Variants in SNX2 observed in about 807,000 individuals in gnomAD.
SNX2 encodes sorting nexin-2.
In SNX2, 25 loss-of-function variants were observed where a neutral mutation model predicts 69.9. The observed-to-expected ratio is 0.36, with a 90% CI of 0.26 to 0.50. The LOEUF (loss-of-function observed/expected upper bound fraction) is 0.50. Among genes scored for constraint, SNX2 ranks in the 20% least tolerant of loss-of-function variants. The probability of loss-of-function intolerance (pLI) is 0.97; values close to 1 mark genes in which losing one functional copy is unlikely to be tolerated. For synonymous variants in SNX2, 229 were observed against 200.4 expected (o/e 1.14, Z -1.20); for missense variants, 551 against 613.3 (o/e 0.90, Z 1.07).
intron 1 of SNX2, among the ~76,000 whole-genome samples, chr5:122,789,687 A>AT (rs1424400815): frequency 6.6e-6 from 1 of 152,180 alleles, no homozygotes; most frequent in Non-Finnish European, 1.5e-5. Context: ...CCTTTGTCTG[A>AT]TTCATCTGGC....
At chr5:122,806,140 G>GCACACACACACACACACA (rs1296313992) in intron 6 of SNX2, among the ~76,000 whole-genome samples, 19 of 30,206 alleles carry the variant, frequency 6.3e-4, no homozygotes, top group African/African-American at 1.8e-3. Context: ...ACACACGCGC[G>GCACACACACACACACACA]CGCACACACA....
At chr5:122,822,095 TTTTC>T (rs1478805765) in intron 11 of SNX2, among the ~76,000 whole-genome samples, 2 of 152,150 alleles carry the variant, frequency 1.3e-5, no homozygotes, top group Non-Finnish European at 2.9e-5. Flanking sequence ...TTGCATTTCT[TTTTC>T]TTTCTTTTTT....
intron 5 of SNX2, 29 bp downstream of exon 5, chr5:122,802,153 A>T: frequency 6.3e-7 from 1 of 1,592,478 alleles, no homozygotes; most frequent in South Asian, 1.1e-5. Context: ...TAAAAAAACT[A>T]TCGAGCCCTC....
chr5:122,804,187 G>A (rs1383494558), intron 6 of SNX2, among the ~76,000 whole-genome samples: 35 of 151,934 alleles, frequency 2.3e-4, no homozygotes, highest in Admixed American at 2.3e-3. Flanking sequence ...ACCTTTTAGG[G>A]TCACTAGATT....
At chr5:122,791,672 C>T (rs1753242976) in intron 1 of SNX2, among the ~76,000 whole-genome samples, 1 of 152,266 alleles carries the variant, frequency 6.6e-6, no homozygotes. Flanking sequence ...CTGCCTTGGC[C>T]TCCCAGAGTG....
chr5:122,820,787 A>G (rs567446711), intron 11 of SNX2, among the ~76,000 whole-genome samples: 26 of 152,322 alleles, frequency 1.7e-4, no homozygotes, highest in African/African-American at 6.0e-4. Context: ...TGTATATAGT[A>G]TCCCTGTTTG....
intron 6 of SNX2, among the ~76,000 whole-genome samples, chr5:122,806,168 A>ACACACACACACACACACAC (rs1491247026): frequency 6.9e-6 from 1 of 145,642 alleles, no homozygotes; most frequent in Non-Finnish European, 1.5e-5. Flanking sequence ...ACACACACAC[A>ACACACACACACACACACAC]GCCCACCATT....
intron 1 of SNX2, chr5:122,775,588 G>C (rs1248153838): frequency 4.0e-6 from 4 of 994,472 alleles, no homozygotes; most frequent in Non-Finnish European, 3.6e-6. Context: ...TTGAAGGGGT[G>C]CTCGCTTTTC....
At chr5:122,806,142 G>GTGCACGCGCACACACACACACACA (rs1554063163) in intron 6 of SNX2, among the ~76,000 whole-genome samples, 14 of 130,584 alleles carry the variant, frequency 1.1e-4, no homozygotes, top group Non-Finnish European at 2.3e-4. Context: ...ACACGCGCGC[G>GTGCACGCGCACACACACACACACA]CACACACACA....
intron 12 of SNX2, 164 bp from the exon 13 acceptor site, chr5:122,827,215 A>G (rs1036925815): frequency 3.0e-5 from 18 of 601,986 alleles, no homozygotes; most frequent in South Asian, 2.2e-4. Context: ...ATGCATTTCT[A>G]TTGGTTGACA....
chr5:122,825,906 G>A, intron 11 of SNX2, 144 bp from the exon 12 acceptor site: 3 of 625,972 alleles, frequency 4.8e-6, no homozygotes, highest in Non-Finnish European at 4.9e-6. Flanking sequence ...TTTGATATTG[G>A]CATACTTACT....
chr5:122,804,279 C>A (rs1013765950), intron 6 of SNX2, among the ~76,000 whole-genome samples: 1 of 151,850 alleles, frequency 6.6e-6, no homozygotes, highest in Non-Finnish European at 1.5e-5. Context: ...GGTGTTAGAC[C>A]CTCACTAGCC....
chr5:122,781,462 A>G (rs1038438710), intron 1 of SNX2, among the ~76,000 whole-genome samples: 5 of 152,246 alleles, frequency 3.3e-5, no homozygotes, highest in African/African-American at 9.6e-5. Context: ...ATAAAGCAAT[A>G]TAAACATGTA....
Position 122,831,348 on chromosome 5 carries a change from C to T in SNX2, c.*1700C>T, listed in dbSNP as rs1479620252. Among the ~76,000 whole-genome samples, 23 of 151,700 alleles carry T rather than the reference C, an allele frequency of 1.5e-4. No individual in the cohort carries two copies. The highest frequency in any genetic ancestry group is 3.4e-4 in the Non-Finnish European group (23 of 67,932). ...GGGCCAGGCACAGTGACTCACATGC[C>T]TGTAGTCCCAGCTTCTTGGGAGGCT... On this transcript the variant is annotated 3_prime_UTR_variant, in exon 15 of 15. Transcript: ENST00000379516.
At chr5:122,799,994 G>A (rs2150007590) in intron 3 of SNX2, 139 bp downstream of exon 3, 1 of 610,094 alleles carries the variant, frequency 1.6e-6, no homozygotes, top group South Asian at 2.6e-5. Context: ...TTAGTTATGG[G>A]ATCTGGCTTC....
At chr5:122,820,698 T>C (rs947981967) in intron 11 of SNX2, among the ~76,000 whole-genome samples, 3 of 152,200 alleles carry the variant, frequency 2.0e-5, no homozygotes, top group African/African-American at 4.8e-5. Context: ...ATTACAGTTA[T>C]ATTCATGTTT....
At chr5:122,802,954 A>G (rs1216023761) in intron 5 of SNX2, among the ~76,000 whole-genome samples, 1 of 152,064 alleles carries the variant, frequency 6.6e-6, no homozygotes, top group African/African-American at 2.4e-5. Flanking sequence ...ACGGGCAGGA[A>G]CACAGTGAGG....
chr5:122,827,828 T>A, intron 14 of SNX2, 182 bp downstream of exon 14: 1 of 562,296 alleles, frequency 1.8e-6, no homozygotes, highest in Non-Finnish European at 3.1e-6. Flanking sequence ...CGTGTTTTTT[T>A]TTTTTTTGCC....
intron 3 of SNX2, among the ~76,000 whole-genome samples, chr5:122,801,392 G>C (rs999947256): frequency 6.6e-6 from 1 of 152,048 alleles, no homozygotes; most frequent in Non-Finnish European, 1.5e-5. Flanking sequence ...ATCACCTGAG[G>C]TCAGGAGTTC....
Sources: allele counts gnomAD v4.1 joint callset (sites outside exome capture counted in the v4.1 genomes callset), GRCh38; gene constraint gnomAD v4.1.1; transcripts MANE v1.5; gene names NCBI Gene and HGNC (gene_info 2026-07-23, HGNC 2026-07-21).